The following TGS1 variants were observed in gnomAD, a reference collection of about 807,000 sequenced individuals.
TGS1 encodes trimethylguanosine synthase.
TGS1 carries 69 observed loss-of-function variants against 92.2 expected under a neutral mutation model. That is an observed-to-expected ratio of 0.75 (90% CI 0.62 to 0.91). The LOEUF (loss-of-function observed/expected upper bound fraction) is 0.91. Among genes scored for constraint, TGS1 ranks in the 40% least tolerant of loss-of-function variants. The pLI, the probability that TGS1 is intolerant of heterozygous loss-of-function variation, is 0.00. For synonymous variants in TGS1, 345 were observed against 338.1 expected, an observed-to-expected ratio of 1.02 and a Z score of -0.22; for missense variants, 1,062 against 1,001.2, an observed-to-expected ratio of 1.06 and a Z score of -0.82.
Position 55,823,313 on chromosome 8 carries a change from A to G in TGS1, c.2440-1268A>G, listed in dbSNP as rs117522279. ...AGTGCAAGCATTACTGTCTTGGAAC[A>G]AAAGAATCTTTAGCAGCTAACTGCC... is the stretch of plus-strand genomic sequence containing the variant. On this transcript the variant is annotated intron_variant, in intron 12 of 12. Transcript: ENST00000260129. Among the ~76,000 whole-genome samples the G allele has an allele frequency of 1.6e-3, 245 of 152,358 alleles. 2 individuals carry two copies. The highest frequency in any genetic ancestry group is 3.1e-3 in the Non-Finnish European group (208 of 68,032).
intron 5 of TGS1, among the ~76,000 whole-genome samples, chr8:55,791,092 G>A (rs1335074214): frequency 6.6e-6 from 1 of 152,126 alleles, no homozygotes; most frequent in African/African-American, 2.4e-5. Context: ...TAGGAACACT[G>A]AGGCAAACAG....
intron 1 of TGS1, among the ~76,000 whole-genome samples, chr8:55,779,073 G>A (rs1172935696): frequency 6.6e-6 from 1 of 152,098 alleles, no homozygotes; most frequent in Non-Finnish European, 1.5e-5. Flanking sequence ...CGTGTGCCAG[G>A]TCCAGAAATT....
In TGS1 at chr8:55,810,984, G is replaced by C. The variant is rs1386525815; in HGVS notation, c.2247G>C (p.Leu749Phe). The change falls in exon 11 of 13, where the codon TTG becomes TTC. Residue 749 changes from leucine (L) to phenylalanine (F), a missense_variant. Leu to Phe is a conservative substitution (Grantham distance 22). Coordinates refer to ENST00000260129, the MANE Select transcript of TGS1 (RefSeq NM_024831.8). ...DKIEFICGDFLLLASFLKADV... is the reference protein window; with the variant it reads ...DKIEFICGDFFLLASFLKADV... ...TAGAGTTCATCTGTGGAGATTTCTT[G>C]CTGCTGGCTTCTTTTTTAAAGGCTG... is the stretch of plus-strand genomic sequence containing the variant. 1.2e-6 allele frequency: 2 copies of C among 1,614,022 alleles called. No individual in the cohort carries two copies. The highest frequency in any genetic ancestry group is 2.7e-5 in the African/African-American group (2 of 74,916).
intron 5 of TGS1, among the ~76,000 whole-genome samples, chr8:55,791,740 T>G (rs1811890573): frequency 6.6e-6 from 1 of 152,186 alleles, no homozygotes; most frequent in Non-Finnish European, 1.5e-5. Flanking sequence ...GCAGTTCTGT[T>G]TTTGTGTTTT....
Position 55,798,968 on chromosome 8 carries a change from G to A in TGS1, c.1597G>A (p.Glu533Lys), listed in dbSNP as rs1812134735. ...NKPMDEEASQESSSHDNVHDA... is the reference protein window; with the variant it reads ...NKPMDEEASQKSSSHDNVHDA... ...ACCAATGGATGAAGAAGCATCACAG[G>A]AATCATCTTCTCATGACAATGTGCA... The change falls in exon 8 of 13, where the codon GAA becomes AAA. Residue 533 changes from glutamate to lysine, a missense_variant. Glu to Lys is a moderately conservative substitution (Grantham distance 56). Transcript: ENST00000260129. 6.2e-7 allele frequency: 1 copy of A among 1,613,584 alleles called. No homozygotes were observed. Among genetic ancestry groups the A allele is most frequent in the South Asian group, 1.1e-5 (1 of 90,938 alleles).
At chr8:55,778,093 G>A (rs1022795323) in intron 1 of TGS1, among the ~76,000 whole-genome samples, 21 of 151,966 alleles carry the variant, frequency 1.4e-4, no homozygotes, top group Non-Finnish European at 2.1e-4. Context: ...GCAACATGGC[G>A]AAACCCCATC....
intron 1 of TGS1, among the ~76,000 whole-genome samples, chr8:55,779,608 G>T (rs1479195971): frequency 6.6e-6 from 1 of 152,140 alleles, no homozygotes; most frequent in Non-Finnish European, 1.5e-5. Flanking sequence ...CTTAATTCAC[G>T]GCCCACAGTA....
chr8:55,820,502 C>T (rs1443317889), intron 12 of TGS1, among the ~76,000 whole-genome samples: 1 of 152,178 alleles, frequency 6.6e-6, no homozygotes. Context: ...CATGCCACTG[C>T]ACTCCAGCCT....
Position 55,786,619 on chromosome 8 carries a change from T to G in TGS1, c.721T>G (p.Tyr241Asp), listed in dbSNP as rs1464763591. 2 of 1,614,046 alleles carry G rather than the reference T, an allele frequency of 1.2e-6. No homozygotes were observed. Among genetic ancestry groups the G allele is most frequent in the African/African-American group, 2.7e-5 (2 of 74,924 alleles). ...TACAAAGGAAGAATGGGAGCAACAT[T>G]ATAGTCAACTTTATTGGTATTATTT... ...PDTKEEWEQH[Y>D]SQLYWYYLEQ... The change falls in exon 4 of 13, where the codon TAT becomes GAT. Residue 241 changes from tyrosine (Y) to aspartate (D), a missense_variant. Coordinates refer to ENST00000260129, the MANE Select transcript of TGS1 (RefSeq NM_024831.8).
chr8:55,821,612 G>T (rs553853893), intron 12 of TGS1, among the ~76,000 whole-genome samples: 2 of 152,178 alleles, frequency 1.3e-5, no homozygotes, highest in Non-Finnish European at 2.9e-5. Flanking sequence ...GGTGGTTCAC[G>T]CCTGTAATCC....
chr8:55,799,959 A>G (rs1812177190), intron 8 of TGS1, among the ~76,000 whole-genome samples: 1 of 152,174 alleles, frequency 6.6e-6, no homozygotes, highest in African/African-American at 2.4e-5. Context: ...TAATATAAAA[A>G]GTATTCAGAG....
chr8:55,775,349 G>A (rs1196118870), intron 1 of TGS1, among the ~76,000 whole-genome samples: 1 of 152,164 alleles, frequency 6.6e-6, no homozygotes, highest in Non-Finnish European at 1.5e-5. Flanking sequence ...GTAGACTATA[G>A]GAAAACCTTA....
Position 55,822,530 on chromosome 8 carries a change from T to C in TGS1, c.2440-2051T>C, listed in dbSNP as rs111455295. ...GATAAACTGTTCAAAATGCCTTTTA[T>C]TGGCTAAAGACAAAATACCTTTTTT... On this transcript the variant is annotated intron_variant, in intron 12 of 12. Coordinates refer to ENST00000260129, the MANE Select transcript of TGS1 (RefSeq NM_024831.8). Among the ~76,000 whole-genome samples, 883 of 151,876 alleles carry C rather than the reference T, an allele frequency of 5.8e-3. 4 individuals are homozygous for C. Among genetic ancestry groups the C allele is most frequent in the African/African-American group, 0.02 (828 of 41,274 alleles).
chr8:55,813,515 A>G (rs947122288), intron 12 of TGS1, among the ~76,000 whole-genome samples: 1 of 152,236 alleles, frequency 6.6e-6, no homozygotes, highest in Non-Finnish European at 1.5e-5. Flanking sequence ...TTTTTCTACA[A>G]ACACTTACTA....
At chr8:55,788,320 A>T (rs1432840467) in intron 4 of TGS1, among the ~76,000 whole-genome samples, 2 of 152,154 alleles carry the variant, frequency 1.3e-5, no homozygotes, top group African/African-American at 4.8e-5. Flanking sequence ...TGCTGATAAT[A>T]CTTCATCCAG....
At chr8:55,777,000 T>C (rs1038803819) in intron 1 of TGS1, among the ~76,000 whole-genome samples, 5 of 151,956 alleles carry the variant, frequency 3.3e-5, no homozygotes, top group Admixed American at 2.0e-4. Context: ...TTTGTTTTGT[T>C]TTTTGGGTTT....
intron 10 of TGS1, among the ~76,000 whole-genome samples, chr8:55,809,696 A>C (rs1378678049): frequency 6.6e-6 from 1 of 152,166 alleles, no homozygotes; most frequent in Non-Finnish European, 1.5e-5. Flanking sequence ...CAGCCTCCCA[A>C]AGTGCTGGGA....
At chr8:55,801,582 CTTTTTTTTT>C (rs1212417955) in intron 8 of TGS1, among the ~76,000 whole-genome samples, 5 of 48,200 alleles carry the variant, frequency 1.0e-4, no homozygotes, top group African/African-American at 2.8e-4. Context: ...CCCCATCGTT[CTTTTTTTTT>C]TTTTTTTTTT....
chr8:55,796,322 G>A (rs1812049416), intron 7 of TGS1, among the ~76,000 whole-genome samples, 170 bp downstream of exon 7: 1 of 151,160 alleles, frequency 6.6e-6, no homozygotes, highest in East Asian at 1.9e-4. Context: ...AACTAAATCT[G>A]AAAAAAGGCA....
Sources: gnomAD v4.1 joint callset for allele counts (sites outside exome capture counted in the v4.1 genomes callset) on GRCh38, gnomAD v4.1.1 for gene constraint, MANE v1.5 for transcripts, NCBI Gene and HGNC (gene_info 2026-07-23, HGNC 2026-07-21) for gene names.